The following FBXO34 variants were observed in gnomAD, a reference collection of about 807,000 sequenced individuals.
FBXO34 encodes the protein F-box protein 34, also known as F-box only protein 34.
In FBXO34, 12 loss-of-function variants were observed where a neutral mutation model predicts 24.5. The observed-to-expected ratio is 0.49, with a 90% confidence interval of 0.31 to 0.79. FBXO34 has a LOEUF of 0.79. Ranked by LOEUF, FBXO34 falls within the 30% of genes least tolerant of loss-of-function variation. The probability of loss-of-function intolerance (pLI) is 0.04; values close to 1 mark genes in which losing one functional copy is unlikely to be tolerated. For synonymous variants in FBXO34, 320 were observed against 311.9 expected, an observed-to-expected ratio of 1.03 and a Z score of -0.27; for missense variants, 823 against 857.7, an observed-to-expected ratio of 0.96 and a Z score of 0.51.
chr14:55,329,798 A>G (rs1249668724), intron 1 of FBXO34, among the ~76,000 whole-genome samples: 2 of 152,160 alleles, frequency 1.3e-5, no homozygotes, highest in Non-Finnish European at 2.9e-5. Flanking sequence ...TTTAAGCCTT[A>G]CTATTCCTCT....
rs777112072 is a variant in FBXO34, at chr14:55,284,513, CAAAAAA to C, written c.-11+12990_-11+12995del. Among the ~76,000 whole-genome samples the C allele has an allele frequency of 1.0e-3, 88 of 84,140 alleles. 2 individuals are homozygous for C. In the South Asian group the frequency reaches 0.023, roughly 22 times the overall value. The allele number at this position is 84,140 out of a possible 152,430, so 55.2% of individuals were successfully genotyped here. On this transcript the variant is annotated intron_variant, in intron 1 of 1. Transcript: ENST00000313833. ...GGCAACAAGAGTGAACCTCTGTCTC[CAAAAAA>C]AAAAAAAAAAAAAGTGAATGATTTA...
intron 1 of FBXO34, among the ~76,000 whole-genome samples, chr14:55,272,928 A>G (rs1439853733): frequency 6.6e-6 from 1 of 152,254 alleles, no homozygotes; most frequent in Non-Finnish European, 1.5e-5. Flanking sequence ...GTCTGTGAAT[A>G]CTGTTTTTCT....
chr14:55,395,416 G>A, the FBXO34 span, among the ~76,000 whole-genome samples: 3 of 152,216 alleles, frequency 2.0e-5, no homozygotes, highest in East Asian at 1.9e-4. Flanking sequence ...GCTGTGGCAC[G>A]ATCTTGGCTC....
the FBXO34 span, chr14:55,433,622 C>T: frequency 6.2e-6 from 10 of 1,609,834 alleles, no homozygotes; most frequent in Middle Eastern, 1.6e-4. Context: ...AGGGATGATT[C>T]CTCATACCTT....
intron 1 of FBXO34, among the ~76,000 whole-genome samples, chr14:55,288,835 G>C (rs1332899540): frequency 1.3e-5 from 2 of 152,312 alleles, no homozygotes; most frequent in East Asian, 3.9e-4. Flanking sequence ...CGGATCACTT[G>C]AGGTCAGGAG....
intron 3 of FBXO34, among the ~76,000 whole-genome samples, chr14:55,361,164 T>G (rs559414730): frequency 4.9e-4 from 74 of 152,204 alleles, no homozygotes; most frequent in Admixed American, 8.5e-4. Flanking sequence ...ATGTATTTCT[T>G]AAATAAGACT....
chr14:55,314,430 C>G (rs1331255113), intron 1 of FBXO34, among the ~76,000 whole-genome samples: 5 of 152,172 alleles, frequency 3.3e-5, no homozygotes, highest in Non-Finnish European at 7.4e-5. Flanking sequence ...AACTACTGAG[C>G]TACCTCCCAG....
At chr14:55,332,279 C>T (rs1883622174) in intron 1 of FBXO34, among the ~76,000 whole-genome samples, 1 of 151,834 alleles carries the variant, frequency 6.6e-6, no homozygotes, top group Non-Finnish European at 1.5e-5. Flanking sequence ...CTCTAAAGTA[C>T]ATCCTTTTTG....
intron 3 of FBXO34, among the ~76,000 whole-genome samples, chr14:55,359,402 A>C (rs1029922012): frequency 2.0e-5 from 3 of 152,254 alleles, no homozygotes. Context: ...AAAGCAAGTC[A>C]TGAATTTTCT....
intron 1 of FBXO34, among the ~76,000 whole-genome samples, chr14:55,322,273 G>T (rs1315260807): frequency 1.4e-5 from 2 of 147,056 alleles, no homozygotes; most frequent in African/African-American, 5.1e-5. Flanking sequence ...TCACGCCACT[G>T]CACTCCAGCC....
the FBXO34 span, chr14:55,440,541 G>T: frequency 8.7e-6 from 14 of 1,600,486 alleles, no homozygotes; most frequent in Non-Finnish European, 1.2e-5. Context: ...GGGCGCAGAG[G>T]CCATTTATGA....
the FBXO34 span, among the ~76,000 whole-genome samples, chr14:55,434,291 G>T: frequency 1.3e-5 from 2 of 152,172 alleles, no homozygotes; most frequent in Non-Finnish European, 2.9e-5. Context: ...AGTTCTCAAA[G>T]TGTCATTCAA....
At chr14:55,326,611 T>C (rs1420166620) in intron 1 of FBXO34, among the ~76,000 whole-genome samples, 1 of 152,214 alleles carries the variant, frequency 6.6e-6, no homozygotes, top group Non-Finnish European at 1.5e-5. Flanking sequence ...AGAAATAAAT[T>C]TCCCAGTAGC....
At chr14:55,393,342 G>A in the FBXO34 span, among the ~76,000 whole-genome samples, 32 of 151,744 alleles carry the variant, frequency 2.1e-4, 1 homozygote, top group Admixed American at 3.9e-4. Flanking sequence ...CCGAGATCGC[G>A]CCACTGCACT....
the FBXO34 span, among the ~76,000 whole-genome samples, chr14:55,396,469 G>C: frequency 1.4e-4 from 21 of 152,174 alleles, no homozygotes; most frequent in African/African-American, 5.1e-4. Flanking sequence ...GAATATCCTG[G>C]TAGATTTAAA....
chr14:55,370,322 C>T (rs1246937960), downstream of FBXO34, among the ~76,000 whole-genome samples: 4 of 152,162 alleles, frequency 2.6e-5, no homozygotes, highest in Admixed American at 1.3e-4. Context: ...TTGATGTATA[C>T]TCTGGATATT....
intron 1 of FBXO34, among the ~76,000 whole-genome samples, chr14:55,333,798 CTT>C (rs1566560555): frequency 6.6e-6 from 1 of 150,610 alleles, no homozygotes; most frequent in East Asian, 2.0e-4. Context: ...CATGGGGAGA[CTT>C]TATAGTGTTT....
At chr14:55,304,587 A>C (rs191305795) in intron 1 of FBXO34, among the ~76,000 whole-genome samples, 1 of 152,118 alleles carries the variant, frequency 6.6e-6, no homozygotes, top group South Asian at 2.1e-4. Flanking sequence ...TGTAAGGTCA[A>C]ACTCCTGGGC....
the FBXO34 span, among the ~76,000 whole-genome samples, chr14:55,415,736 G>C: frequency 6.6e-6 from 1 of 152,040 alleles, no homozygotes; most frequent in Non-Finnish European, 1.5e-5. Flanking sequence ...CGTGGCGGTG[G>C]GCGTCTGTCA....
Sources: gnomAD v4.1 joint callset for allele counts (sites outside exome capture counted in the v4.1 genomes callset) on GRCh38, gnomAD v4.1.1 for gene constraint, MANE v1.5 for transcripts, NCBI Gene and HGNC (gene_info 2026-07-23, HGNC 2026-07-21) for gene names.